The following CLTCL1 variants were observed in gnomAD, a reference collection of about 807,000 sequenced individuals.
CLTCL1 encodes the protein clathrin heavy chain 2.
Under a neutral mutation model 190.0 loss-of-function variants are expected in CLTCL1, and 159 were observed. The ratio of observed to expected loss-of-function variants is 0.84; its 90% CI spans 0.74 to 0.95. The LOEUF (loss-of-function observed/expected upper bound fraction) is 0.95, where lower values mean the gene tolerates loss of function less well. Ranked by LOEUF, CLTCL1 falls within the 40% of genes least tolerant of loss-of-function variation. The probability of loss-of-function intolerance (pLI) is 0.00; values close to 1 mark genes in which losing one functional copy is unlikely to be tolerated. For synonymous variants in CLTCL1, 752 were observed against 769.6 expected (o/e 0.98, Z 0.38); for missense variants, 1,878 against 2,033.4 (o/e 0.92, Z 1.47).
intron 10 of CLTCL1, among the ~76,000 whole-genome samples, chr22:19,231,602 A>G (rs1182302609): frequency 6.6e-6 from 1 of 152,236 alleles, no homozygotes; most frequent in Non-Finnish European, 1.5e-5. Context: ...TTAAAGTTAA[A>G]TTGATGTTAA....
intron 26 of CLTCL1, 102 bp from the exon 27 acceptor site, chr22:19,191,537 C>T: frequency 1.5e-6 from 2 of 1,375,230 alleles, no homozygotes; most frequent in Non-Finnish European, 2.0e-6. Flanking sequence ...CTGAGGCCTG[C>T]CATGACTACC....
rs1344869509 is a variant in CLTCL1, at chr22:19,219,913, T to C, written c.2891A>G (p.Asn964Ser). ...GTCAATTAGCTGTCTCCTGGATGGG[T>C]TGGTCTCCTCAAGGACGTGAGCCCA... ...ELWAHVLEET[N>S]PSRRQLIDQV... The change falls in exon 18 of 33, where the codon AAC (asparagine) becomes AGC (serine). Residue 964 changes from asparagine (N) to serine (S), a missense_variant. Asn to Ser is a conservative substitution (Grantham distance 46). Coordinates refer to ENST00000427926, the MANE Select transcript of CLTCL1 (RefSeq NM_007098.4). 3.1e-6 allele frequency: 5 copies of C among 1,613,920 alleles called. No homozygotes were observed. Among genetic ancestry groups the C allele is most frequent in the African/African-American group, 2.7e-5 (2 of 74,932 alleles).
At chr22:19,261,391 G>T (rs917986431) in intron 2 of CLTCL1, among the ~76,000 whole-genome samples, 3 of 152,120 alleles carry the variant, frequency 2.0e-5, no homozygotes, top group Admixed American at 1.3e-4. Flanking sequence ...ATTACAGGCG[G>T]AAGCCACCGT....
Position 19,209,006 on chromosome 22 carries a change from A to G in CLTCL1, c.3358T>C (p.Leu1120=). The stretch of plus-strand genomic sequence containing the variant: ...TAGGAGTTGATGGCTTCCTTCACCA[A>G]ATCTTTCTGGAGCTGGGCTTGGGCC... ...QLAQAQLQKD[L]VKEAINSYIR... The change falls in exon 21 of 33, where the codon TTG becomes CTG. Residue 1120 remains leucine, a synonymous_variant. Coordinates refer to ENST00000427926, the MANE Select transcript of CLTCL1 (RefSeq NM_007098.4). 6.2e-7 allele frequency: 1 copy of G among 1,611,754 alleles called. No individual in the cohort carries two copies. Among genetic ancestry groups the G allele is most frequent in the Non-Finnish European group, 8.5e-7 (1 of 1,179,032 alleles).
intron 2 of CLTCL1, among the ~76,000 whole-genome samples, chr22:19,262,248 G>A (rs1025804916): frequency 3.3e-5 from 5 of 151,286 alleles, no homozygotes; most frequent in Non-Finnish European, 7.4e-5. Context: ...GGATGGTCTC[G>A]ATCTCTTGAC....
At position 19,226,216 on chromosome 22, in the gene CLTCL1, T is replaced by C; in HGVS notation, c.1947+3A>G. On this transcript the variant is annotated splice_donor_region_variant and intron_variant, in intron 12 of 32. Transcript: ENST00000427926. ...AATAGGAGTGCCCAGGGGTACACAG[T>C]ACCTCGGGATTGAGGAGGTGAGTGT... 1 of 1,613,398 alleles carries C rather than the reference T, an allele frequency of 6.2e-7. No homozygotes were observed. Among genetic ancestry groups the C allele is most frequent in the Non-Finnish European group, 8.5e-7 (1 of 1,179,702 alleles).
chr22:19,244,626 A>G (rs1457296596), intron 3 of CLTCL1, among the ~76,000 whole-genome samples: 1 of 152,216 alleles, frequency 6.6e-6, no homozygotes, highest in African/African-American at 2.4e-5. Context: ...AACGAAGCCT[A>G]AACTGCAGCC....
intron 3 of CLTCL1, among the ~76,000 whole-genome samples, chr22:19,248,123 C>A (rs191970376): frequency 1.3e-5 from 2 of 151,720 alleles, no homozygotes; most frequent in Non-Finnish European, 2.9e-5. Flanking sequence ...ATGGAGAAAC[C>A]CCATCACTAC....
At chr22:19,264,867 C>A (rs2087068536) in intron 2 of CLTCL1, among the ~76,000 whole-genome samples, 1 of 151,922 alleles carries the variant, frequency 6.6e-6, no homozygotes, top group Admixed American at 6.6e-5. Context: ...AGGTTCATTG[C>A]AACCTCCGCC....
chr22:19,197,384 C>T (rs757292040), intron 24 of CLTCL1, among the ~76,000 whole-genome samples: 1 of 152,166 alleles, frequency 6.6e-6, no homozygotes, highest in Non-Finnish European at 1.5e-5. Context: ...GCTACAGACA[C>T]GCCGCCTGTG....
chr22:19,273,362 G>A (rs2087386564), intron 2 of CLTCL1, among the ~76,000 whole-genome samples: 1 of 151,968 alleles, frequency 6.6e-6, no homozygotes, highest in Non-Finnish European at 1.5e-5. Context: ...CTTCCCCCAC[G>A]GAAAAGAAAA....
intron 3 of CLTCL1, among the ~76,000 whole-genome samples, chr22:19,252,918 G>A (rs1194161343): frequency 6.6e-6 from 1 of 151,582 alleles, no homozygotes; most frequent in African/African-American, 2.4e-5. Flanking sequence ...GGAGGCTGAG[G>A]CAGGAGAATG....
intron 10 of CLTCL1, 91 bp from the exon 11 acceptor site, chr22:19,230,066 T>C (rs1282695133): frequency 3.9e-6 from 5 of 1,284,810 alleles, no homozygotes; most frequent in Admixed American, 6.4e-5. Flanking sequence ...TATTATCTCA[T>C]TTAGAAATTC....
At chr22:19,235,910 G>A (rs781851762) in intron 5 of CLTCL1, 41 bp from the exon 6 acceptor site, 3 of 1,543,444 alleles carry the variant, frequency 1.9e-6, no homozygotes, top group Admixed American at 3.9e-5. Flanking sequence ...AAGTAAGGAG[G>A]AGAAGCCATG....
At chr22:19,220,140 T>C in intron 17 of CLTCL1, 133 bp from the exon 18 acceptor site, 1 of 1,073,372 alleles carries the variant, frequency 9.3e-7, no homozygotes, top group Non-Finnish European at 1.4e-6. Flanking sequence ...CAAGACGCTA[T>C]GCTTTGACAT....
chr22:19,265,764 T>C (rs1183053868), intron 2 of CLTCL1, among the ~76,000 whole-genome samples: 1 of 152,156 alleles, frequency 6.6e-6, no homozygotes, highest in Admixed American at 6.5e-5. Context: ...TATGCTACAT[T>C]TTAACAAGAA....
At chr22:19,221,007 C>T (rs1297408805) in intron 17 of CLTCL1, among the ~76,000 whole-genome samples, 1 of 152,122 alleles carries the variant, frequency 6.6e-6, no homozygotes, top group African/African-American at 2.4e-5. Flanking sequence ...CAGGGAATTG[C>T]AGGCCTCTCC....
chr22:19,286,944 C>T (rs373371311), intron 1 of CLTCL1, among the ~76,000 whole-genome samples: 10 of 152,292 alleles, frequency 6.6e-5, no homozygotes, highest in Non-Finnish European at 1.0e-4. Context: ...TTTCAAACAC[C>T]GCCTCAGAGA....
At chr22:19,236,418 C>T (rs1329577336) in intron 5 of CLTCL1, among the ~76,000 whole-genome samples, 2 of 152,148 alleles carry the variant, frequency 1.3e-5, no homozygotes, top group African/African-American at 4.8e-5. Flanking sequence ...ATGCCTTCTA[C>T]CACCACTTAT....
Sources: gnomAD v4.1 joint callset for allele counts (sites outside exome capture counted in the v4.1 genomes callset) on GRCh38, gnomAD v4.1.1 for gene constraint, MANE v1.5 for transcripts, NCBI Gene and HGNC (gene_info 2026-07-23, HGNC 2026-07-21) for gene names.